The following TJP2 variants were observed in gnomAD, a reference collection of about 807,000 sequenced individuals.
TJP2 encodes the protein Friedreich ataxia region gene X104 (tight junction protein ZO-2).
Under a neutral mutation model 133.1 loss-of-function variants are expected in TJP2, and 91 were observed. The observed-to-expected ratio is 0.68, with a 90% confidence interval of 0.58 to 0.81. The LOEUF is 0.81. Among genes scored for constraint, TJP2 ranks in the 40% least tolerant of loss-of-function variants. The pLI, the probability that TJP2 is intolerant of heterozygous loss-of-function variation, is 0.00. For missense variants in TJP2, 1,541 were observed against 1,565.6 expected, an observed-to-expected ratio of 0.98 and a Z score of 0.26; for synonymous variants, 592 against 583.4, an observed-to-expected ratio of 1.01 and a Z score of -0.21.
intron 15 of TJP2, among the ~76,000 whole-genome samples, chr9:69,238,417 C>T (rs564004784): frequency 6.6e-6 from 1 of 152,178 alleles, no homozygotes; most frequent in East Asian, 1.9e-4. Flanking sequence ...ATTTTTATGT[C>T]TTTTTGTGAT....
rs759725360 is a variant in TJP2 at position 69,254,304 on chromosome 9, A to G, written c.3503A>G (p.Gln1168Arg). The change falls in exon 23 of 23, where the codon CAG becomes CGG. Residue 1168 changes from glutamine (Q) to arginine (R), a missense_variant. Physicochemically the swap from Gln to Arg is conservative, Grantham distance 43. Coordinates refer to ENST00000377245, the MANE Select transcript of TJP2 (RefSeq NM_004817.4). The stretch of plus-strand genomic sequence containing the variant: ...GATGCCGAGGAGGAGGAGTACCGCC[A>G]GCAGCTGTCAGAACACTCCAAGCGC... Reference protein sequence around the residue: ...GSDAEEEEYRQQLSEHSKRGY... With the variant: ...GSDAEEEEYRRQLSEHSKRGY... The G allele has an allele frequency of 1.2e-5, 19 of 1,614,148 alleles. No homozygotes were observed. The Admixed American group carries it at 3.2e-4, about 27-fold the overall frequency.
intron 4 of TJP2, 116 bp from the exon 5 acceptor site, chr9:69,220,771 A>T: frequency 3.1e-6 from 3 of 961,754 alleles, no homozygotes; most frequent in Non-Finnish European, 4.9e-6. Flanking sequence ...CCTGAACCTT[A>T]GTGAGTCGGC....
chr9:69,200,547 C>G (rs1826911758), intron 1 of TJP2, among the ~76,000 whole-genome samples: 1 of 152,194 alleles, frequency 6.6e-6, no homozygotes, highest in Admixed American at 6.5e-5. Context: ...GCCACTGCAC[C>G]TGGCTAGATT....
chr9:69,159,903 A>T (rs977820786), intron 2 of TJP2, among the ~76,000 whole-genome samples: 3 of 53,876 alleles, frequency 5.6e-5, no homozygotes, highest in African/African-American at 1.8e-4. Flanking sequence ...ACATATATAT[A>T]TATATGTGTG....
At chr9:69,159,535 G>A (rs971815894) in intron 2 of TJP2, among the ~76,000 whole-genome samples, 5 of 152,120 alleles carry the variant, frequency 3.3e-5, no homozygotes, top group Admixed American at 2.0e-4. Context: ...TTTGTAAATT[G>A]TTAAAGTTAC....
At chr9:69,136,955 G>A (rs1329239376) in intron 1 of TJP2, among the ~76,000 whole-genome samples, 1 of 152,198 alleles carries the variant, frequency 6.6e-6, no homozygotes, top group Non-Finnish European at 1.5e-5. Flanking sequence ...CCACTGCTCA[G>A]GGCAACGCTT....
At chr9:69,159,102 C>T (rs1006862756) in intron 2 of TJP2, among the ~76,000 whole-genome samples, 5 of 151,434 alleles carry the variant, frequency 3.3e-5, no homozygotes, top group African/African-American at 1.2e-4. Context: ...CTCAGGAGTT[C>T]GAGACCAACC....
At chr9:69,206,585 T>TAA (rs200801130) in intron 1 of TJP2, among the ~76,000 whole-genome samples, 4 of 151,310 alleles carry the variant, frequency 2.6e-5, no homozygotes, top group African/African-American at 2.4e-5. Context: ...TTAATTTTTT[T>TAA]ATTTCTTTTT....
intron 1 of TJP2, among the ~76,000 whole-genome samples, chr9:69,176,143 C>G (rs1825068684): frequency 6.6e-6 from 1 of 152,148 alleles, no homozygotes; most frequent in Non-Finnish European, 1.5e-5. Context: ...GGGATTGGTC[C>G]TATATGCATT....
chr9:69,220,967 G>T lies in TJP2; in HGVS notation c.423G>T (p.Glu141Asp). ...TGGATCAGGATGACCGGGCTTTTGA[G>T]GTGATGGACGAGTTTGATGGCAGAA... is the stretch of plus-strand genomic sequence containing the variant. Reference protein sequence around the residue: ...PPLDQDDRAFEVMDEFDGRSF... With the variant: ...PPLDQDDRAFDVMDEFDGRSF... Residue 141 changes from glutamate (E) to aspartate (D), a missense_variant, in exon 5 of 23, where the codon GAG becomes GAT. Glu to Asp is a conservative substitution (Grantham distance 45, BLOSUM62 2). Coordinates refer to ENST00000377245, the MANE Select transcript of TJP2 (RefSeq NM_004817.4). 6.2e-7 allele frequency: 1 copy of T among 1,612,902 alleles called. No individual in the cohort carries two copies. The highest frequency in any genetic ancestry group is 8.5e-7 in the Non-Finnish European group (1 of 1,179,944).
chr9:69,178,007 C>G (rs1825222252), intron 1 of TJP2, among the ~76,000 whole-genome samples: 2 of 152,080 alleles, frequency 1.3e-5, no homozygotes, highest in Admixed American at 1.3e-4. Flanking sequence ...GCAATGGCTA[C>G]CCATAACAGT....
At chr9:69,210,305 A>AT (rs2133195318) in intron 1 of TJP2, among the ~76,000 whole-genome samples, 1 of 124,856 alleles carries the variant, frequency 8.0e-6, no homozygotes, top group Admixed American at 8.2e-5. Context: ...CCCCCAAAAA[A>AT]AAAAAAAGTA....
At chr9:69,144,926 A>T (rs917339898) in intron 1 of TJP2, among the ~76,000 whole-genome samples, 2 of 152,170 alleles carry the variant, frequency 1.3e-5, no homozygotes, top group Non-Finnish European at 2.9e-5. Flanking sequence ...CCACCATGAT[A>T]GGTGGTCCAC....
intron 11 of TJP2, among the ~76,000 whole-genome samples, chr9:69,231,900 G>A (rs1829813171): frequency 6.6e-6 from 1 of 152,156 alleles, no homozygotes; most frequent in Non-Finnish European, 1.5e-5. Flanking sequence ...TCTAACTATT[G>A]TGAGGCCATA....
rs767365877 is a variant in TJP2, at chr9:69,234,523, A to G, written c.1756A>G (p.Ile586Val). The change falls in exon 12 of 23, where the codon ATT (isoleucine) becomes GTT (valine). Residue 586 changes from isoleucine to valine, a missense_variant. By Grantham distance (29) the Ile-to-Val change is conservative. Coordinates refer to ENST00000377245, the MANE Select transcript of TJP2 (RefSeq NM_004817.4). Reference sequence around the variant, plus strand: ...AATCCCTAAAGGTGAAATGGTGACCATTTTAGCTCAGAGCCGAGCCGATGG... The same window carrying G: ...AATCCCTAAAGGTGAAATGGTGACCGTTTTAGCTCAGAGCCGAGCCGATGG... ...LEIPKGEMVTILAQSRADVYR... is the reference protein window; with the variant it reads ...LEIPKGEMVTVLAQSRADVYR... 4 of 1,313,908 alleles carry G rather than the reference A, an allele frequency of 3.0e-6. No individual in the cohort carries two copies. Among genetic ancestry groups the G allele is most frequent in the Non-Finnish European group, 4.0e-6 (4 of 1,003,822 alleles). The allele number at this position is 1,313,908 out of a possible 1,614,324, so 81.4% of individuals were successfully genotyped here.
At chr9:69,170,295 CCA>C (rs1194443233), upstream of TJP2, among the ~76,000 whole-genome samples, 3 of 152,034 alleles carry the variant, frequency 2.0e-5, no homozygotes, top group Non-Finnish European at 4.4e-5. Flanking sequence ...TGCATACTTT[CCA>C]GTTTTTATTT....
intron 1 of TJP2, among the ~76,000 whole-genome samples, chr9:69,123,887 A>T (rs1171889711): frequency 1.3e-5 from 1 of 75,338 alleles, no homozygotes; most frequent in East Asian, 3.9e-4. Flanking sequence ...ATTTATTTTG[A>T]GACGGAGTCT....
intron 1 of TJP2, among the ~76,000 whole-genome samples, chr9:69,183,792 T>C (rs138051235): frequency 0.017 from 2,658 of 152,304 alleles, 40 homozygotes; most frequent in Non-Finnish European, 0.028. Context: ...TGGAGTGCAG[T>C]GGCATGATCT....
rs192828522 is a variant in TJP2 at position 69,158,982 on chromosome 9, G to A, written c.-10+7211G>A. Among the ~76,000 whole-genome samples, 572 of 144,448 alleles carry A rather than the reference G, an allele frequency of 4.0e-3. 3 individuals carry two copies. The highest frequency in any genetic ancestry group is 6.6e-3 in the Non-Finnish European group (435 of 65,480). 94.8% of individuals were successfully genotyped at this position (144,448 alleles called of 152,430 possible). On this transcript the variant is annotated intron_variant, in intron 2 of 5. Coordinates refer to the TJP2 transcript ENST00000423935. ...GCAATCCCCTTGGGCAGGATTCACCGCCCCCCCCCCATCAAAATTATTTGA... is the reference window on the plus strand; with the variant it reads ...GCAATCCCCTTGGGCAGGATTCACCACCCCCCCCCCATCAAAATTATTTGA...
Sources: gnomAD v4.1 joint callset for allele counts (sites outside exome capture counted in the v4.1 genomes callset) on GRCh38, gnomAD v4.1.1 for gene constraint, MANE v1.5 for transcripts, NCBI Gene and HGNC (gene_info 2026-07-23, HGNC 2026-07-21) for gene names.